Variants in JDP2 observed in about 807,000 individuals in gnomAD.
JDP2 encodes Jun dimerization protein 2.
In JDP2, 9 loss-of-function variants were observed where a neutral mutation model predicts 17.1. That is an observed-to-expected ratio of 0.53 (90% CI 0.32 to 0.92). JDP2 has a LOEUF of 0.92. JDP2 is among the 40% of genes least tolerant of loss of function. JDP2 has a pLI of 0.04. For synonymous variants in JDP2, 107 were observed against 95.6 expected (o/e 1.12, Z -0.69); for missense variants, 179 against 220.0 (o/e 0.81, Z 1.18).
chr14:75,433,366 C>T (rs150255306), intron 1 of JDP2, among the ~76,000 whole-genome samples: 2 of 149,924 alleles, frequency 1.3e-5, no homozygotes, highest in African/African-American at 2.5e-5. Flanking sequence ...GAGGAAAAAG[C>T]TTAATAAGTT....
At chr14:75,444,196 C>G (rs4243648) in intron 2 of JDP2, among the ~76,000 whole-genome samples, 82,943 of 152,074 alleles carry the variant, frequency 0.55, 24,173 homozygotes, top group African/African-American at 0.77. Context: ...GAGCCACCAA[C>G]CCCTGTTGCT....
chr14:75,453,681 C>G (rs573858804), intron 2 of JDP2, among the ~76,000 whole-genome samples: 6 of 152,164 alleles, frequency 3.9e-5, no homozygotes, highest in African/African-American at 1.4e-4. Context: ...AGTAACTTGC[C>G]CAGGAGCACA....
chr14:75,437,720 T>C (rs945918646), intron 1 of JDP2, among the ~76,000 whole-genome samples, 178 bp from the exon 2 acceptor site: 23 of 152,254 alleles, frequency 1.5e-4, no homozygotes, highest in African/African-American at 5.5e-4. Flanking sequence ...TGTGAGTTAA[T>C]TGAGCAACTT....
At position 75,438,211 on chromosome 14, in the gene JDP2, G is replaced by C. The variant is rs564461442; in HGVS notation, c.201+90G>C. The C allele has an allele frequency of 1.0e-4, 107 of 1,033,212 alleles. 3 individuals are homozygous for C. The South Asian group carries it at 1.6e-3, about 16-fold the overall frequency. 64.0% of individuals were successfully genotyped at this position (1,033,212 alleles called of 1,614,324 possible). On this transcript the variant is annotated intron_variant, in intron 2 of 3. Transcript: ENST00000651602. ...CCTTGCTGTTCAAAGTGTGGTCTGA[G>C]GACCAGTATCATCCGTACCACCCTG...
At chr14:75,445,513 C>G (rs1006820689) in intron 2 of JDP2, 1 of 985,296 alleles carries the variant, frequency 1.0e-6, no homozygotes, top group African/African-American at 1.7e-5. Context: ...AAACCCTTGC[C>G]TTTTTGGAGG....
chr14:75,467,316 CCAAGGTCAGACCCGCTCT>C (rs1886605968), intron 3 of JDP2, among the ~76,000 whole-genome samples: 1 of 152,180 alleles, frequency 6.6e-6, no homozygotes, highest in African/African-American at 2.4e-5. Flanking sequence ...TCTTTCATGC[CCAAGGTCAGACCCGCTCT>C]TTAGCCCTCT....
At chr14:75,432,823 C>A (rs74067233) in intron 1 of JDP2, among the ~76,000 whole-genome samples, 2 of 152,144 alleles carry the variant, frequency 1.3e-5, no homozygotes, top group South Asian at 2.1e-4. Flanking sequence ...AAATGCTGAT[C>A]GTTGGGCACT....
At position 75,430,518 on chromosome 14, in the gene JDP2, G is replaced by A. The variant is rs577282436; in HGVS notation, c.-24+2266G>A. ...TGTGTGCATACCTATATAGGCAGGGGAGGGCAGCAGGCACATTATTTTTCC... is the reference window on the plus strand; with the variant it reads ...TGTGTGCATACCTATATAGGCAGGGAAGGGCAGCAGGCACATTATTTTTCC... On this transcript the variant is annotated intron_variant, in intron 1 of 3. Transcript: ENST00000651602. This position sits in a 1 kb window ranked among gnomAD's most constrained non-coding sequence, Gnocchi z 4.5. 6.6e-6 allele frequency among the ~76,000 whole-genome samples: 1 copy of A among 152,276 alleles called. No homozygotes were observed. Among genetic ancestry groups the A allele is most frequent in the East Asian group, 1.9e-4 (1 of 5,190 alleles).
intron 3 of JDP2, among the ~76,000 whole-genome samples, chr14:75,468,239 G>A (rs1039522555): frequency 6.6e-6 from 1 of 152,156 alleles, no homozygotes; most frequent in African/African-American, 2.4e-5. Context: ...GTGCATTGAA[G>A]GGTGTTTAGA....
intron 3 of JDP2, among the ~76,000 whole-genome samples, chr14:75,465,411 A>T (rs1257769655): frequency 6.6e-6 from 1 of 152,216 alleles, no homozygotes; most frequent in Non-Finnish European, 1.5e-5. Context: ...AGCTCACTGC[A>T]GCCTTGTACT....
intron 2 of JDP2, among the ~76,000 whole-genome samples, chr14:75,455,752 G>A (rs1566744484): frequency 1.3e-5 from 2 of 152,094 alleles, no homozygotes; most frequent in African/African-American, 2.4e-5. Flanking sequence ...GGAGGTGTTC[G>A]TGACTCCACT....
intron 3 of JDP2, among the ~76,000 whole-genome samples, chr14:75,463,511 T>C (rs1299087522): frequency 3.9e-5 from 6 of 151,928 alleles, no homozygotes; most frequent in African/African-American, 9.7e-5. Flanking sequence ...CCGAGCGTTA[T>C]GTTGGGCAAG....
intron 2 of JDP2, among the ~76,000 whole-genome samples, chr14:75,439,889 G>T (rs1369235395): frequency 6.6e-6 from 1 of 152,180 alleles, no homozygotes. Context: ...GCAGTTTCAT[G>T]GGGGCACTAA....
At chr14:75,450,168 G>A (rs1885784636) in intron 2 of JDP2, among the ~76,000 whole-genome samples, 1 of 152,194 alleles carries the variant, frequency 6.6e-6, no homozygotes, top group South Asian at 2.1e-4. Context: ...CAGTTTGGAA[G>A]GATCCACCTG....
chr14:75,454,117 G>A (rs1005881577), intron 2 of JDP2, among the ~76,000 whole-genome samples: 1 of 152,084 alleles, frequency 6.6e-6, no homozygotes, highest in African/African-American at 2.4e-5. Flanking sequence ...ACCTGCAGAC[G>A]GGGCCTGAGA....
intron 2 of JDP2, among the ~76,000 whole-genome samples, chr14:75,453,691 A>G (rs552891858): frequency 1.3e-5 from 2 of 152,358 alleles, no homozygotes; most frequent in African/African-American, 2.4e-5. Flanking sequence ...CCAGGAGCAC[A>G]CAGCTGGTCT....
intron 2 of JDP2, among the ~76,000 whole-genome samples, chr14:75,439,633 A>G (rs1356675528): frequency 3.9e-5 from 6 of 152,254 alleles, no homozygotes; most frequent in Non-Finnish European, 7.3e-5. Context: ...GATAAGGTCC[A>G]TCATAGGTGC....
At chr14:75,461,140 G>A (rs554848783) in intron 2 of JDP2, among the ~76,000 whole-genome samples, 6 of 152,116 alleles carry the variant, frequency 3.9e-5, no homozygotes, top group Admixed American at 6.5e-5. Context: ...CTGTTGCATT[G>A]GGGATTAAGT....
At chr14:75,443,956 G>A (rs1885476808) in intron 2 of JDP2, among the ~76,000 whole-genome samples, 1 of 151,608 alleles carries the variant, frequency 6.6e-6, no homozygotes, top group Non-Finnish European at 1.5e-5. Context: ...AGGCTGGAGT[G>A]CAATGGCATG....
Sources: gnomAD v4.1 joint callset for allele counts (sites outside exome capture counted in the v4.1 genomes callset) on GRCh38, gnomAD v4.1.1 for gene constraint, Gnocchi (gnomAD v3.1) non-coding constraint, MANE v1.5 for transcripts, NCBI Gene and HGNC (gene_info 2026-07-23, HGNC 2026-07-21) for gene names.